The following PZP variants were observed in gnomAD, a reference collection of about 807,000 sequenced individuals.
PZP encodes the protein PZP alpha-2-macroglobulin like, also known as pregnancy zone protein.
PZP carries 150 observed loss-of-function variants against 179.8 expected under a neutral mutation model. The observed-to-expected ratio is 0.83, with a 90% CI of 0.73 to 0.96. PZP has a LOEUF of 0.96. PZP is among the 40% of genes least tolerant of loss of function. PZP has a pLI of 0.00. For missense variants in PZP, 1,689 were observed against 1,764.0 expected (o/e 0.96, Z 0.76); for synonymous variants, 624 against 652.3 (o/e 0.96, Z 0.66).
Position 9,201,348 on chromosome 12 carries a change from CTATA to C in PZP, c.481-5_481-2del, listed in dbSNP as rs766505993. The C allele has an allele frequency of 6.4e-7, 1 of 1,556,872 alleles. No individual in the cohort carries two copies. The highest frequency in any genetic ancestry group is 2.2e-5 in the East Asian group (1 of 44,520). ...TTACCTCAAGGTATATCAGTGGAAT[CTATA>C]TGATAAAAGGAAAGAAGAGATGTGA... On this transcript the variant is annotated splice_acceptor_variant and splice_polypyrimidine_tract_variant and intron_variant, in intron 4 of 35. Coordinates refer to ENST00000261336, the MANE Select transcript of PZP (RefSeq NM_002864.3). LOFTEE classifies it high-confidence loss of function.
chr12:9,189,116 A>G (rs1245135047), intron 13 of PZP, among the ~76,000 whole-genome samples: 1 of 152,226 alleles, frequency 6.6e-6, no homozygotes, highest in African/African-American at 2.4e-5. Context: ...AAAACTACCA[A>G]CGACATCCTT....
rs1472792767 is a variant in PZP, at chr12:9,202,557, G to C, written c.395C>G (p.Thr132Arg). ...LNTQSLVFVQ[T>R]DKPMYKPGQT... Reference sequence around the variant, plus strand: ...TCCTGGTTTATACATGGGTTTGTCTGTCTGGACAAAGACCAGACTTTGGGT... The same window carrying C: ...TCCTGGTTTATACATGGGTTTGTCTCTCTGGACAAAGACCAGACTTTGGGT... Residue 132 changes from threonine (T) to arginine (R), a missense_variant, in exon 3 of 36, where the codon ACA becomes AGA. Physicochemically the swap from Thr to Arg is moderately conservative, Grantham distance 71. This residue lies in a region of PZP where 742 missense variants were observed against 730.5 expected (regional missense o/e 1.02). Coordinates refer to ENST00000261336, the MANE Select transcript of PZP (RefSeq NM_002864.3). 6.2e-7 allele frequency: 1 copy of C among 1,614,114 alleles called. No homozygotes were observed. Among genetic ancestry groups the C allele is most frequent in the Non-Finnish European group, 8.5e-7 (1 of 1,180,006 alleles).
intron 10 of PZP, among the ~76,000 whole-genome samples, chr12:9,195,619 TTTTTTTTTTTTTTTTGCAGAGG>T (rs1943729327): frequency 1.4e-5 from 2 of 145,066 alleles, no homozygotes; most frequent in African/African-American, 5.1e-5. Context: ...TAATTTTTTT[TTTTTTTTTTTTTTTTGCAGAGG>T]TAGAGTCTTA....
chr12:9,155,747 TA>T, intron 28 of PZP: 1 of 152,596 alleles, frequency 6.6e-6, no homozygotes. Context: ...CTGCTCCAAA[TA>T]AATCATGGTC....
intron 14 of PZP, among the ~76,000 whole-genome samples, chr12:9,181,744 A>G (rs957200760): frequency 1.3e-5 from 2 of 152,184 alleles, no homozygotes; most frequent in African/African-American, 2.4e-5. Context: ...CTGAATCAGC[A>G]GAGAAGAGCA....
chr12:9,189,968 G>T (rs1483605903), intron 13 of PZP, among the ~76,000 whole-genome samples: 1 of 151,994 alleles, frequency 6.6e-6, no homozygotes, highest in Non-Finnish European at 1.5e-5. Flanking sequence ...AGTCAGAATG[G>T]CTATTATTAA....
intron 13 of PZP, among the ~76,000 whole-genome samples, chr12:9,191,473 T>A (rs1943451862): frequency 6.6e-6 from 1 of 152,044 alleles, no homozygotes; most frequent in African/African-American, 2.4e-5. Flanking sequence ...TTGTTTCAAT[T>A]TTCAAAACTG....
chr12:9,169,706 G>T, intron 15 of PZP, 115 bp from the exon 16 acceptor site: 1 of 986,046 alleles, frequency 1.0e-6, no homozygotes, highest in Non-Finnish European at 1.4e-6. Context: ...CGTTCATGTA[G>T]TTGGTACCTT....
chr12:9,140,264 A>T, the PZP span, among the ~76,000 whole-genome samples: 2 of 151,624 alleles, frequency 1.3e-5, no homozygotes, highest in African/African-American at 4.8e-5. Context: ...GCATAGTAGT[A>T]GGGGGGGGCC....
At chr12:9,196,543 A>G (rs1247207369) in intron 9 of PZP, 28 bp downstream of exon 9, 12 of 1,576,616 alleles carry the variant, frequency 7.6e-6, no homozygotes, top group Non-Finnish European at 1.0e-5. Flanking sequence ...CTATTGTTTT[A>G]TTTCCCATAT....
chr12:9,162,765 C>CT (rs749145410), intron 21 of PZP, 117 bp from the exon 22 acceptor site: 267 of 839,582 alleles, frequency 3.2e-4, no homozygotes, highest in Non-Finnish European at 4.4e-4. Context: ...CCATCCTACT[C>CT]TTTTTTTCCC....
rs1941043671 is a variant in PZP at position 9,159,877 on chromosome 12, G to C, written c.3137+61C>G. 2.1e-6 allele frequency: 3 copies of C among 1,395,914 alleles called. No individual in the cohort carries two copies. The Admixed American group carries it at 5.2e-5, about 24-fold the overall frequency. The allele number at this position is 1,395,914 out of a possible 1,614,324, so 86.5% of individuals were successfully genotyped here. A position where few individuals can be genotyped will look rare whatever the true frequency, so the allele number is the denominator to read the frequency against. ...AAGCAACAGAAAATGGACTAAGACA[G>C]GTAATCTATGTGCACGTTCTGAACT... On this transcript the variant is annotated intron_variant, in intron 25 of 35. Transcript: ENST00000261336.
chr12:9,181,030 G>A lies in PZP; in HGVS notation c.1792C>T (p.Gln598Ter), dbSNP rs117889746. ...TCAGGCTTCATGAGCAGCACACTTT[G>A]GTCCACAGCACGAAGGGCACAGAGG... ...QSLCALRAVD[Q>*]SVLLMKPEAE... The change falls in exon 15 of 36, where the codon CAA (glutamine) becomes TAA (stop). Residue 598 changes from glutamine to a stop codon, truncating the protein, a stop_gained. Transcript: ENST00000261336. LOFTEE classifies it high-confidence loss of function. 2.6e-3 allele frequency: 4,256 copies of A among 1,614,110 alleles called. 177 individuals carry two copies. The East Asian group carries it at 0.081, about 31-fold the overall frequency.
chr12:9,153,562 G>A (rs754992103), intron 29 of PZP, among the ~76,000 whole-genome samples: 1 of 152,194 alleles, frequency 6.6e-6, no homozygotes. Context: ...GTTTATTAAT[G>A]TCACTGTTTA....
intron 1 of PZP, among the ~76,000 whole-genome samples, chr12:9,207,960 T>A (rs997967791): frequency 1.3e-5 from 2 of 152,226 alleles, no homozygotes; most frequent in African/African-American, 2.4e-5. Flanking sequence ...CGAATATCTC[T>A]ATATTCAGTG....
At chr12:9,172,162 G>A (rs1942049145) in intron 15 of PZP, among the ~76,000 whole-genome samples, 1 of 152,192 alleles carries the variant, frequency 6.6e-6, no homozygotes. Flanking sequence ...AACCATGGAA[G>A]CCAGAAGAAA....
chr12:9,206,086 A>G (rs1944425814), intron 1 of PZP, among the ~76,000 whole-genome samples: 1 of 152,186 alleles, frequency 6.6e-6, no homozygotes, highest in Admixed American at 6.5e-5. Flanking sequence ...ACTGATAGTC[A>G]TTCAGCTAGT....
In PZP at chr12:9,169,485, C is replaced by A; in HGVS notation, c.1946G>T (p.Gly649Val). 6.2e-7 allele frequency: 1 copy of A among 1,612,478 alleles called. No homozygotes were observed. Among genetic ancestry groups the A allele is most frequent in the African/African-American group, 1.3e-5 (1 of 74,940 alleles). ...HCPRPFFIHN[G>V]AIYVPLSSNE... ...ACTTGATAAGGGAACATAGATGGCT[C>A]CATTATGAATGAAGAAAGGACGGGG... The change falls in exon 16 of 36, where the codon GGA (glycine) becomes GTA (valine). Residue 649 changes from glycine (G) to valine (V), a missense_variant. Around this residue, in one of 3 missense-constraint regions of PZP, gnomAD observed 201 missense variants for 284.2 expected, o/e 0.71. Coordinates refer to ENST00000261336, the MANE Select transcript of PZP (RefSeq NM_002864.3).
chr12:9,180,332 G>A (rs1942675326), intron 15 of PZP, among the ~76,000 whole-genome samples: 2 of 152,004 alleles, frequency 1.3e-5, no homozygotes, highest in Admixed American at 1.3e-4. Flanking sequence ...AAAAGAGCCC[G>A]CATCGCCAAG....
Sources: allele counts gnomAD v4.1 joint callset (sites outside exome capture counted in the v4.1 genomes callset), GRCh38; gene constraint gnomAD v4.1.1; regional missense constraint gnomAD v4.1.1; transcripts MANE v1.5; gene names NCBI Gene and HGNC (gene_info 2026-07-23, HGNC 2026-07-21).